ANKRD44: variants seen among roughly 807,000 people sequenced by gnomAD.
ANKRD44 encodes the protein ankyrin repeat domain 44, also known as serine/threonine-protein phosphatase 6 regulatory ankyrin repeat subunit B.
ANKRD44 carries 35 observed loss-of-function variants against 116.0 expected under a neutral mutation model. The observed-to-expected ratio is 0.30, with a 90% confidence interval of 0.23 to 0.40. ANKRD44 has a LOEUF of 0.40. Ranked by LOEUF, ANKRD44 falls within the 10% of genes least tolerant of loss-of-function variation. The pLI is 1.00. For missense variants in ANKRD44, 1,014 were observed against 1,242.6 expected, an observed-to-expected ratio of 0.82 and a Z score of 2.77; for synonymous variants, 435 against 461.8, an observed-to-expected ratio of 0.94 and a Z score of 0.74.
At chr2:197,054,245 G>C (rs1211290422) in intron 16 of ANKRD44, among the ~76,000 whole-genome samples, 2 of 152,184 alleles carry the variant, frequency 1.3e-5, no homozygotes. Flanking sequence ...TATTTCTATA[G>C]TATGTGAAAT....
intron 27 of ANKRD44, chr2:196,992,885 A>G (rs1467603431): frequency 6.5e-6 from 1 of 152,686 alleles, no homozygotes; most frequent in East Asian, 1.9e-4. Context: ...AAAATTACAT[A>G]ATTCATAAAC....
intron 16 of ANKRD44, among the ~76,000 whole-genome samples, chr2:197,071,492 G>A (rs2077557945): frequency 6.6e-6 from 1 of 152,032 alleles, no homozygotes; most frequent in Non-Finnish European, 1.5e-5. Context: ...TCCTAGTGTT[G>A]GAGATTTTCC....
chr2:197,236,477 A>G (rs1411390188), intron 1 of ANKRD44, among the ~76,000 whole-genome samples: 2 of 152,206 alleles, frequency 1.3e-5, no homozygotes, highest in African/African-American at 2.4e-5. Context: ...CTGTAGGCCA[A>G]TAAAAAAGAG....
intron 9 of ANKRD44, among the ~76,000 whole-genome samples, chr2:197,109,539 C>A (rs1489492349): frequency 6.6e-6 from 1 of 152,134 alleles, no homozygotes; most frequent in Non-Finnish European, 1.5e-5. Context: ...GTCTTCCATC[C>A]AAATGTCAAA....
intron 1 of ANKRD44, among the ~76,000 whole-genome samples, chr2:197,305,462 T>C (rs527418341): frequency 3.5e-4 from 53 of 152,360 alleles, no homozygotes; most frequent in Non-Finnish European, 3.8e-4. Context: ...CTTTAGCCTA[T>C]AAAAATTCAC....
chr2:197,209,595 G>T (rs1235844279), intron 1 of ANKRD44, among the ~76,000 whole-genome samples: 1 of 152,140 alleles, frequency 6.6e-6, no homozygotes, highest in Non-Finnish European at 1.5e-5. Context: ...ATAACAGCTG[G>T]CCCATTTGCC....
chr2:197,047,234 G>A (rs1384666241), intron 16 of ANKRD44, among the ~76,000 whole-genome samples: 1 of 152,020 alleles, frequency 6.6e-6, no homozygotes, highest in Admixed American at 6.6e-5. Context: ...TGGCCAGACT[G>A]GTCTCTAACT....
intron 9 of ANKRD44, among the ~76,000 whole-genome samples, chr2:197,104,446 T>G (rs1294209453): frequency 1.3e-5 from 2 of 152,164 alleles, no homozygotes; most frequent in African/African-American, 2.4e-5. Context: ...AGTAGGACTA[T>G]TGGACTAAAA....
At chr2:197,209,926 G>A (rs1396677740) in intron 1 of ANKRD44, among the ~76,000 whole-genome samples, 1 of 152,168 alleles carries the variant, frequency 6.6e-6, no homozygotes, top group Non-Finnish European at 1.5e-5. Context: ...GGCTGCTGGG[G>A]ACTGGGTACT....
intron 1 of ANKRD44, among the ~76,000 whole-genome samples, chr2:197,277,170 G>A (rs931535402): frequency 3.3e-5 from 5 of 151,616 alleles, no homozygotes; most frequent in African/African-American, 1.2e-4. Flanking sequence ...CTTGTGATTG[G>A]CCCACCTCGG....
intron 1 of ANKRD44, among the ~76,000 whole-genome samples, chr2:197,223,105 A>C (rs1424486254): frequency 6.6e-6 from 1 of 152,056 alleles, no homozygotes; most frequent in African/African-American, 2.4e-5. Flanking sequence ...GAGCCACCAG[A>C]CCCAGCTGAT....
intron 2 of ANKRD44, among the ~76,000 whole-genome samples, chr2:197,147,658 A>G (rs995693559): frequency 6.6e-6 from 1 of 152,032 alleles, no homozygotes; most frequent in African/African-American, 2.4e-5. Context: ...TATTCTGGGG[A>G]CAGAGGGATG....
chr2:197,243,939 G>T (rs1042283370), intron 1 of ANKRD44, among the ~76,000 whole-genome samples: 1 of 152,182 alleles, frequency 6.6e-6, no homozygotes, highest in Non-Finnish European at 1.5e-5. Context: ...ATATGTGTGG[G>T]CTCCAATCAG....
intron 1 of ANKRD44, among the ~76,000 whole-genome samples, chr2:197,254,662 G>A (rs2105687232): frequency 6.7e-6 from 1 of 148,226 alleles, no homozygotes; most frequent in Middle Eastern, 3.6e-3. Flanking sequence ...TTAAAATCAT[G>A]TTTCCTCTAA....
intron 2 of ANKRD44, among the ~76,000 whole-genome samples, chr2:197,151,639 A>G (rs1236488036): frequency 6.6e-6 from 1 of 152,258 alleles, no homozygotes; most frequent in African/African-American, 2.4e-5. Context: ...TTATTCAGCC[A>G]TATTATCTAG....
chr2:197,147,708 T>C lies in ANKRD44; in HGVS notation c.112-603A>G, dbSNP rs182140218. 1.2e-3 allele frequency among the ~76,000 whole-genome samples: 180 copies of C among 152,126 alleles called. 1 individual carries two copies. Among genetic ancestry groups the C allele is most frequent in the Non-Finnish European group, 1.9e-3 (129 of 68,012 alleles). On this transcript the variant is annotated intron_variant, in intron 2 of 27. Coordinates refer to ENST00000282272, the MANE Select transcript of ANKRD44 (RefSeq NM_001195144.2). ...GGTCCCTGCCCTCATGAAACTCACA[T>C]TCAAGTGGGAAGGCTGACAATAGTA... is the stretch of plus-strand genomic sequence containing the variant.
At chr2:196,990,731 T>C in intron 27 of ANKRD44, 11 of 1,232,200 alleles carry the variant, frequency 8.9e-6, no homozygotes, top group Non-Finnish European at 1.1e-5. Flanking sequence ...CCTCCGAGCC[T>C]ACGTTGTTAC....
At chr2:197,146,582 T>C (rs2079509631) in intron 3 of ANKRD44, among the ~76,000 whole-genome samples, 1 of 152,014 alleles carries the variant, frequency 6.6e-6, no homozygotes, top group Non-Finnish European at 1.5e-5. Context: ...GAGTATATAG[T>C]GTATACATGC....
At chr2:197,250,367 T>C (rs1386861354) in intron 1 of ANKRD44, among the ~76,000 whole-genome samples, 2 of 152,184 alleles carry the variant, frequency 1.3e-5, no homozygotes, top group East Asian at 1.9e-4. Context: ...AAGACCCCAG[T>C]TGACTTCCAT....
Sources: allele counts gnomAD v4.1 joint callset (sites outside exome capture counted in the v4.1 genomes callset), GRCh38; gene constraint gnomAD v4.1.1; transcripts MANE v1.5; gene names NCBI Gene and HGNC (gene_info 2026-07-23, HGNC 2026-07-21).